Variants in TMEM176A observed in about 807,000 individuals in gnomAD.
TMEM176A encodes the protein transmembrane protein 176A, also known as hepatocellular carcinoma-associated antigen 112.
In TMEM176A, 20 loss-of-function variants were observed where a neutral mutation model predicts 27.9. That is an observed-to-expected ratio of 0.72 (90% CI 0.50 to 1.04). The LOEUF is 1.04. Ranked by LOEUF, TMEM176A falls within the 50% of genes least tolerant of loss-of-function variation. The probability of loss-of-function intolerance (pLI) is 0.00; values close to 1 mark genes in which losing one functional copy is unlikely to be tolerated. For synonymous variants in TMEM176A, 125 were observed against 118.0 expected (o/e 1.06, Z -0.38); for missense variants, 252 against 289.1 (o/e 0.87, Z 0.93).
chr7:150,803,592 G>A (rs758822589), intron 4 of TMEM176A, 28 bp from the exon 5 acceptor site: 1 of 1,611,586 alleles, frequency 6.2e-7, no homozygotes, highest in African/African-American at 1.3e-5. Flanking sequence ...GAAACACAAA[G>A]ATTTCTCTCT....
At chr7:150,804,642 T>C in intron 6 of TMEM176A, 170 bp downstream of exon 6, 1 of 857,796 alleles carries the variant, frequency 1.2e-6, no homozygotes, top group Non-Finnish European at 1.8e-6. Context: ...AAAGCCCCTA[T>C]CCCCAACCAA....
At position 150,802,220 on chromosome 7, in the gene TMEM176A, G is replaced by A; in HGVS notation, c.180G>A (p.Met60Ile). 6.2e-7 allele frequency: 1 copy of A among 1,614,020 alleles called. No individual in the cohort carries two copies. The highest frequency in any genetic ancestry group is 8.5e-7 in the Non-Finnish European group (1 of 1,179,950). ...TTGGGTCCTTTGTCTTTCAGGTGAT[G>A]CAGATCGTGCTGGGGATCTTGAGTG... ...SSRLLVASWV[M>I]QIVLGILSAV... Residue 60 changes from methionine to isoleucine, a missense_variant, in exon 3 of 7, where the codon ATG (methionine) becomes ATA (isoleucine). By Grantham distance (10) the Met-to-Ile change is conservative. Coordinates refer to ENST00000004103, the MANE Select transcript of TMEM176A (RefSeq NM_018487.3).
rs1279299583 is a variant in TMEM176A at position 150,801,636 on chromosome 7, T to C, written c.86T>C (p.Leu29Pro). ...IDVHIHQESA[L>P]AKLLLTCCSA... ...GTGCACATCCACCAGGAGTCTGCCC[T>C]GGCCAAGCTCCTGCTCACCTGCTGC... is the stretch of plus-strand genomic sequence containing the variant. Residue 29 changes from leucine to proline, a missense_variant, in exon 2 of 7, where the codon CTG (leucine) becomes CCG (proline). Coordinates refer to ENST00000004103, the MANE Select transcript of TMEM176A (RefSeq NM_018487.3). 3 of 1,613,384 alleles carry C rather than the reference T, an allele frequency of 1.9e-6. No individual in the cohort carries two copies. The highest frequency in any genetic ancestry group is 3.3e-5 in the Admixed American group (2 of 60,010).
Position 150,804,968 on chromosome 7 carries a change from A to G in TMEM176A, c.*100A>G. The G allele has an allele frequency of 7.7e-7, 1 of 1,301,686 alleles. No homozygotes were observed. The highest frequency in any genetic ancestry group is 1.1e-6 in the Non-Finnish European group (1 of 899,206). 80.6% of individuals were successfully genotyped at this position (1,301,686 alleles called of 1,614,324 possible). On this transcript the variant is annotated 3_prime_UTR_variant, in exon 7 of 7. Transcript: ENST00000004103. Reference sequence around the variant, plus strand: ...CCAGACTGAGGAAAAGAGGCTCTTCAACAGCCCCAGTTATCCTGGCCCCAT... The same window carrying G: ...CCAGACTGAGGAAAAGAGGCTCTTCGACAGCCCCAGTTATCCTGGCCCCAT...
chr7:150,800,919 A>G (rs1798757801), intron 1 of TMEM176A, 91 bp downstream of exon 1: 1 of 985,100 alleles, frequency 1.0e-6, no homozygotes, highest in Non-Finnish European at 1.2e-6. Context: ...CGTAGGAGGG[A>G]CCCCCACCCA....
chr7:150,804,024 T>C (rs1428885809), intron 5 of TMEM176A, among the ~76,000 whole-genome samples, 192 bp downstream of exon 5: 1 of 152,156 alleles, frequency 6.6e-6, no homozygotes, highest in African/African-American at 2.4e-5. Flanking sequence ...AAGTGGGAAA[T>C]ACAAGCATTA....
In TMEM176A at chr7:150,805,034, C is replaced by A; in HGVS notation, c.*166C>A. 1.5e-6 allele frequency: 1 copy of A among 678,236 alleles called. No individual in the cohort carries two copies. The highest frequency in any genetic ancestry group is 2.6e-6 in the Non-Finnish European group (1 of 381,290). The allele number at this position is 678,236 out of a possible 1,614,324, so 42.0% of individuals were successfully genotyped here. A position where few individuals can be genotyped will look rare whatever the true frequency, so the allele number is the denominator to read the frequency against. The stretch of plus-strand genomic sequence containing the variant: ...CCTGCTCCAGCAGCACTTGCCCATT[C>A]CTTACACCCCTTCCCCATCCTGCTC... On this transcript the variant is annotated 3_prime_UTR_variant, in exon 7 of 7. Transcript: ENST00000004103.
In TMEM176A at chr7:150,805,079, A is replaced by G; in HGVS notation, c.*211A>G. Reference sequence around the variant, plus strand: ...CTGCTCCGCTTCATGTCCCCTCCTGAGTAGTCATGTGATAATAAACTCTCA... The same window carrying G: ...CTGCTCCGCTTCATGTCCCCTCCTGGGTAGTCATGTGATAATAAACTCTCA... On this transcript the variant is annotated 3_prime_UTR_variant, in exon 7 of 7. Transcript: ENST00000004103. The G allele has an allele frequency of 1.7e-6, 1 of 587,590 alleles. No individual in the cohort carries two copies. Among genetic ancestry groups the G allele is most frequent in the Non-Finnish European group, 3.0e-6 (1 of 330,454 alleles). 36.4% of individuals were successfully genotyped at this position (587,590 alleles called of 1,614,324 possible).
chr7:150,801,857 T>C, intron 2 of TMEM176A, 133 bp downstream of exon 2: 1 of 963,430 alleles, frequency 1.0e-6, no homozygotes, highest in Non-Finnish European at 1.5e-6. Context: ...GATGTGATTC[T>C]CTGGCCTTCT....
In TMEM176A at chr7:150,801,888, G is replaced by A. The variant is rs1051573239; in HGVS notation, c.174+164G>A. On this transcript the variant is annotated intron_variant, in intron 2 of 6. Coordinates refer to ENST00000004103, the MANE Select transcript of TMEM176A (RefSeq NM_018487.3). ...CTTCTCAGTAAGAGCCTGGGGAGGG[G>A]AGGCTCTGGGCTGAAGGGGTGTGGA... 2.3e-5 allele frequency: 18 copies of A among 776,700 alleles called. No individual in the cohort carries two copies. In the African/African-American group the frequency reaches 2.6e-4, roughly 11 times the overall value. 48.1% of individuals were successfully genotyped at this position (776,700 alleles called of 1,614,324 possible). A position where few individuals can be genotyped will look rare whatever the true frequency, so the allele number is the denominator to read the frequency against.
At chr7:150,802,548 C>A in intron 3 of TMEM176A, 1 of 672,532 alleles carries the variant, frequency 1.5e-6, no homozygotes, top group Non-Finnish European at 2.3e-6. Context: ...GCTGTTCCCA[C>A]CAGGCTGGCT....
rs1056733349 is a variant in TMEM176A at position 150,805,048 on chromosome 7, C to T, written c.*180C>T. The T allele has an allele frequency of 3.1e-6, 2 of 646,892 alleles. No homozygotes were observed. Among genetic ancestry groups the T allele is most frequent in the African/African-American group, 1.8e-5 (1 of 55,432 alleles). The allele number at this position is 646,892 out of a possible 1,614,324, so 40.1% of individuals were successfully genotyped here. A position where few individuals can be genotyped will look rare whatever the true frequency, so the allele number is the denominator to read the frequency against. On this transcript the variant is annotated 3_prime_UTR_variant, in exon 7 of 7. Coordinates refer to ENST00000004103, the MANE Select transcript of TMEM176A (RefSeq NM_018487.3). ...ACTTGCCCATTCCTTACACCCCTTC[C>T]CCATCCTGCTCCGCTTCATGTCCCC...
At chr7:150,801,470 C>T in intron 1 of TMEM176A, 66 bp from the exon 2 acceptor site, 3 of 1,513,416 alleles carry the variant, frequency 2.0e-6, no homozygotes, top group Non-Finnish European at 2.7e-6. Flanking sequence ...CTGACCTCCC[C>T]AACTCCAATG....
chr7:150,801,478 A>G lies in TMEM176A; in HGVS notation c.-15-58A>G, dbSNP rs181159950. 474 of 1,527,908 alleles carry G rather than the reference A, an allele frequency of 3.1e-4. 2 individuals carry two copies. The highest frequency in any genetic ancestry group is 4.5e-4 in the Admixed American group (21 of 47,164). The allele number at this position is 1,527,908 out of a possible 1,614,324, so 94.6% of individuals were successfully genotyped here. ...CTGGCCCCTGACCTCCCCAACTCCA[A>G]TGAAATCTGCGAAAATCTTCTGACA... is the stretch of plus-strand genomic sequence containing the variant. On this transcript the variant is annotated intron_variant, in intron 1 of 6. Transcript: ENST00000004103.
In TMEM176A at chr7:150,803,656, T is replaced by G; in HGVS notation, c.379T>G (p.Ser127Ala). The G allele has an allele frequency of 4.3e-6, 7 of 1,614,092 alleles. No homozygotes were observed. Among genetic ancestry groups the G allele is most frequent in the Non-Finnish European group, 5.9e-6 (7 of 1,180,044 alleles). The change falls in exon 5 of 7, where the codon TCC becomes GCC. Residue 127 changes from serine (S) to alanine (A), a missense_variant. By Grantham distance (99) the Ser-to-Ala change is moderately conservative. Coordinates refer to ENST00000004103, the MANE Select transcript of TMEM176A (RefSeq NM_018487.3). The part of the protein sequence containing the change: ...LRTLLTLAAF[S>A]TAIAALKLWN... ...GACTCTGCTAACGCTGGCAGCTTTC[T>G]CCACAGCCATCGCTGCCCTCAAACT... is the stretch of plus-strand genomic sequence containing the variant.
chr7:150,803,784 A>G lies in TMEM176A; in HGVS notation c.507A>G (p.Glu169=). The change falls in exon 5 of 7, where the codon GAA becomes GAG. Residue 169 remains glutamate, a synonymous_variant. Transcript: ENST00000004103. ...WNTPAPTQSP[E]EVRRLHLCTS... ...CTCCAGCCCCCACTCAGAGTCCAGA[A>G]GAAGTCAGAAGGCTACACCTATGTA... 2 of 1,614,210 alleles carry G rather than the reference A, an allele frequency of 1.2e-6. No individual in the cohort carries two copies. The highest frequency in any genetic ancestry group is 2.2e-5 in the South Asian group (2 of 91,084).
At chr7:150,802,570 C>A in intron 3 of TMEM176A, 1 of 754,010 alleles carries the variant, frequency 1.3e-6, no homozygotes, top group Non-Finnish European at 1.9e-6. Flanking sequence ...CCTCTCCCTG[C>A]CTTCAACAGT....
At position 150,804,993 on chromosome 7, in the gene TMEM176A, T is replaced by C; in HGVS notation, c.*125T>C. On this transcript the variant is annotated 3_prime_UTR_variant, in exon 7 of 7. Transcript: ENST00000004103. ...AACAGCCCCAGTTATCCTGGCCCCATGACCGTGGCCACAGCCCTGCTCCAG... is the reference window on the plus strand; with the variant it reads ...AACAGCCCCAGTTATCCTGGCCCCACGACCGTGGCCACAGCCCTGCTCCAG... The C allele has an allele frequency of 2.0e-6, 2 of 1,020,660 alleles. No individual in the cohort carries two copies. The highest frequency in any genetic ancestry group is 3.1e-6 in the Non-Finnish European group (2 of 654,826). The allele number at this position is 1,020,660 out of a possible 1,614,324, so 63.2% of individuals were successfully genotyped here.
intron 2 of TMEM176A, 74 bp downstream of exon 2, chr7:150,801,798 A>T (rs1200066773): frequency 7.4e-7 from 1 of 1,359,564 alleles, no homozygotes; most frequent in African/African-American, 1.5e-5. Flanking sequence ...ACTCTCTGCC[A>T]GCCTCCCTCT....
Sources: allele counts gnomAD v4.1 joint callset (sites outside exome capture counted in the v4.1 genomes callset), GRCh38; gene constraint gnomAD v4.1.1; transcripts MANE v1.5; gene names NCBI Gene and HGNC (gene_info 2026-07-23, HGNC 2026-07-21).